The following SORL1 variants were observed in gnomAD, a reference collection of about 807,000 sequenced individuals.
The protein encoded by SORL1 is sortilin-related receptor.
Under a neutral mutation model 273.7 loss-of-function variants are expected in SORL1, and 127 were observed. That is an observed-to-expected ratio of 0.46 (90% CI 0.40 to 0.54). The LOEUF (loss-of-function observed/expected upper bound fraction) is 0.54, where lower values mean the gene tolerates loss of function less well. SORL1 is among the 20% of genes least tolerant of loss of function. The probability of loss-of-function intolerance (pLI) is 0.00; values close to 1 mark genes in which losing one functional copy is unlikely to be tolerated. For missense variants in SORL1, 2,494 were observed against 2,846.1 expected, an observed-to-expected ratio of 0.88 and a Z score of 2.81; for synonymous variants, 1,031 against 1,067.4, an observed-to-expected ratio of 0.97 and a Z score of 0.66.
At chr11:121,479,025 T>C (rs1030758089) in intron 3 of SORL1, among the ~76,000 whole-genome samples, 11 of 151,900 alleles carry the variant, frequency 7.2e-5, no homozygotes, top group African/African-American at 1.7e-4. Flanking sequence ...CGTGGGTACC[T>C]GCGTGCGTGT....
intron 30 of SORL1, chr11:121,590,708 C>A: frequency 1.5e-6 from 1 of 659,226 alleles, no homozygotes; most frequent in South Asian, 1.7e-5. Flanking sequence ...TGTGCCTCCT[C>A]AGCCACCTGT....
Position 121,550,875 on chromosome 11 carries a change from A to G in SORL1, c.2266+205A>G, listed in dbSNP as rs1269517369. On this transcript the variant is annotated intron_variant, in intron 16 of 47. Coordinates refer to ENST00000260197, the MANE Select transcript of SORL1 (RefSeq NM_003105.6). This position sits in a 1 kb window ranked among gnomAD's most constrained non-coding sequence, Gnocchi z 5.3. The stretch of plus-strand genomic sequence containing the variant: ...GCCATACCCGTTTTTAGGAATGGAA[A>G]GTACTTTGTGTCAGCTCAGTTTCTT... Among the ~76,000 whole-genome samples, 1 of 152,212 alleles carries G rather than the reference A, an allele frequency of 6.6e-6. No homozygotes were observed. Among genetic ancestry groups the G allele is most frequent in the Non-Finnish European group, 1.5e-5 (1 of 68,034 alleles).
intron 6 of SORL1, among the ~76,000 whole-genome samples, chr11:121,501,642 A>C (rs1861709418): frequency 1.3e-5 from 2 of 152,180 alleles, no homozygotes. Context: ...CAGGCAAGAG[A>C]GTGTGTGCAG....
chr11:121,631,657 G>A lies in SORL1; in HGVS notation c.*2094G>A, dbSNP rs1863878596. ...CCTTTTTACAGAGCATATGTCTCCA[G>A]TTGGCAGCTTGAGATATTTCCGAGC... On this transcript the variant is annotated 3_prime_UTR_variant, in exon 48 of 48. Transcript: ENST00000260197. 6.6e-6 allele frequency: 1 copy of A among 152,164 alleles called. No homozygotes were observed. Among genetic ancestry groups the A allele is most frequent in the African/African-American group, 2.4e-5 (1 of 41,430 alleles). 9.4% of individuals were successfully genotyped at this position (152,164 alleles called of 1,614,324 possible).
In SORL1 at chr11:121,591,015, C is replaced by T. The variant is rs868452432; in HGVS notation, c.4228C>T (p.Pro1410Ser). Reference sequence around the variant, plus strand: ...GTTTTTCTCAGATTCACATATTCTTCCCTTCTCGACTCCTGGGCCCTCCAC... The same window carrying T: ...GTTTTTCTCAGATTCACATATTCTTTCCTTCTCGACTCCTGGGCCCTCCAC... ...EKDCGDSHIL[P>S]FSTPGPSTCL... The change falls in exon 31 of 48, where the codon CCC becomes TCC. Residue 1410 changes from proline (P) to serine (S), a missense_variant. Physicochemically the swap from Pro to Ser is moderately conservative, Grantham distance 74 (BLOSUM62 -1). Coordinates refer to ENST00000260197, the MANE Select transcript of SORL1 (RefSeq NM_003105.6). The T allele has an allele frequency of 6.2e-7, 1 of 1,614,230 alleles. No individual in the cohort carries two copies. Among genetic ancestry groups the T allele is most frequent in the Non-Finnish European group, 8.5e-7 (1 of 1,180,034 alleles).
chr11:121,579,043 AC>A (rs1862976581), intron 25 of SORL1, among the ~76,000 whole-genome samples: 1 of 152,250 alleles, frequency 6.6e-6, no homozygotes, highest in Non-Finnish European at 1.5e-5. Flanking sequence ...GTATGATTGA[AC>A]ATCTTGTTAA....
intron 38 of SORL1, 66 bp downstream of exon 38, chr11:121,608,242 G>A (rs1203465508): frequency 3.1e-6 from 4 of 1,310,990 alleles, no homozygotes; most frequent in East Asian, 4.7e-5. Context: ...ATGACTTTCA[G>A]TATGACCGGA....
At chr11:121,520,000 C>A (rs189523361) in intron 8 of SORL1, among the ~76,000 whole-genome samples, 1 of 152,232 alleles carries the variant, frequency 6.6e-6, no homozygotes, top group Non-Finnish European at 1.5e-5. Flanking sequence ...CCTGTAATCC[C>A]AGCACTTTGG....
intron 18 of SORL1, among the ~76,000 whole-genome samples, chr11:121,556,175 A>G (rs1258745444): frequency 6.6e-6 from 1 of 152,210 alleles, no homozygotes; most frequent in Non-Finnish European, 1.5e-5. Context: ...TGCATGATAC[A>G]TGTGGTTTAG....
chr11:121,520,823 G>A lies in SORL1; in HGVS notation c.1378G>A (p.Gly460Arg). The change falls in exon 9 of 48, where the codon GGA becomes AGA. Residue 460 changes from glycine to arginine, a missense_variant. By Grantham distance (125) the Gly-to-Arg change is moderately radical. Transcript: ENST00000260197. ...GTTTCTTCAGGCTCCAGCCTTCACG[G>A]GATATGGAGAGAAAATCAATTGTGA... ...WEFLQAPAFTGYGEKINCELS... is the reference protein window; with the variant it reads ...WEFLQAPAFTRYGEKINCELS... 2 of 1,596,610 alleles carry A rather than the reference G, an allele frequency of 1.3e-6. No homozygotes were observed. Among genetic ancestry groups the A allele is most frequent in the South Asian group, 1.1e-5 (1 of 87,334 alleles).
At chr11:121,518,366 G>A (rs191534086) in intron 8 of SORL1, among the ~76,000 whole-genome samples, 1 of 152,128 alleles carries the variant, frequency 6.6e-6, no homozygotes, top group Non-Finnish European at 1.5e-5. Context: ...CAGGTCAAGT[G>A]GGGGAAAGGA....
At chr11:121,482,791 A>G (rs1313257123) in intron 3 of SORL1, among the ~76,000 whole-genome samples, 1 of 152,248 alleles carries the variant, frequency 6.6e-6, no homozygotes, top group Non-Finnish European at 1.5e-5. Context: ...TTAAGATGTC[A>G]GGAAAGGGCA....
At position 121,629,718 on chromosome 11, in the gene SORL1, AT is replaced by A. The variant is rs1373162533; in HGVS notation, c.*156del. 5.0e-6 allele frequency: 3 copies of A among 600,070 alleles called. No individual in the cohort carries two copies. The highest frequency in any genetic ancestry group is 1.9e-5 in the African/African-American group (1 of 53,754). 37.2% of individuals were successfully genotyped at this position (600,070 alleles called of 1,614,324 possible). On this transcript the variant is annotated 3_prime_UTR_variant, in exon 48 of 48. Transcript: ENST00000260197. ...AAAAAAAAAAAAAGGAAAGAAAGGA[AT>A]GAATAAACTTTGTAGTAATCAACTG...
chr11:121,527,724 T>C (rs1591312832), intron 11 of SORL1, among the ~76,000 whole-genome samples: 1 of 152,316 alleles, frequency 6.6e-6, no homozygotes, highest in East Asian at 1.9e-4. Flanking sequence ...TTTCAAGAAA[T>C]TTGTCCCTTC....
intron 32 of SORL1, among the ~76,000 whole-genome samples, chr11:121,599,195 A>T (rs914793861): frequency 6.6e-5 from 10 of 152,208 alleles, no homozygotes; most frequent in Non-Finnish European, 1.5e-4. Context: ...AGATAATTTG[A>T]TATCTCTTGA....
chr11:121,532,329 G>A, intron 11 of SORL1, 135 bp from the exon 12 acceptor site: 1 of 723,114 alleles, frequency 1.4e-6, no homozygotes. Flanking sequence ...TCTGTAAACG[G>A]AAAAATTGTT....
chr11:121,604,055 C>A, intron 32 of SORL1, 138 bp from the exon 33 acceptor site: 1 of 1,039,480 alleles, frequency 9.6e-7, no homozygotes, highest in Non-Finnish European at 1.4e-6. Context: ...GGTATAGATT[C>A]CACCACTGGT....
chr11:121,477,792 G>C (rs1470257149), intron 2 of SORL1, among the ~76,000 whole-genome samples: 3 of 152,140 alleles, frequency 2.0e-5, no homozygotes, highest in African/African-American at 7.2e-5. Context: ...CACTTTGGGA[G>C]GCCAAGGCAG....
At chr11:121,564,958 A>C (rs1478475925) in intron 21 of SORL1, among the ~76,000 whole-genome samples, 1 of 152,216 alleles carries the variant, frequency 6.6e-6, no homozygotes, top group Non-Finnish European at 1.5e-5. Context: ...CTTTGAATAC[A>C]AAACACATGT....
Sources: allele counts gnomAD v4.1 joint callset (sites outside exome capture counted in the v4.1 genomes callset), GRCh38; gene constraint gnomAD v4.1.1; non-coding constraint Gnocchi (gnomAD v3.1); transcripts MANE v1.5; gene names NCBI Gene and HGNC (gene_info 2026-07-23, HGNC 2026-07-21).